The following MYO18B variants were observed in gnomAD, a reference collection of about 807,000 sequenced individuals.
MYO18B encodes unconventional myosin-XVIIIb.
MYO18B carries 204 observed loss-of-function variants against 273.0 expected under a neutral mutation model. The ratio of observed to expected loss-of-function variants is 0.75; its 90% CI spans 0.67 to 0.84. The LOEUF (loss-of-function observed/expected upper bound fraction) is 0.84. Among genes scored for constraint, MYO18B ranks in the 40% least tolerant of loss-of-function variants. The pLI, the probability that MYO18B is intolerant of heterozygous loss-of-function variation, is 0.00. For synonymous variants in MYO18B, 1,330 were observed against 1,305.7 expected, an observed-to-expected ratio of 1.02 and a Z score of -0.40; for missense variants, 3,212 against 3,287.6, an observed-to-expected ratio of 0.98 and a Z score of 0.56.
At chr22:25,859,863 A>AT (rs2090679991) in intron 21 of MYO18B, among the ~76,000 whole-genome samples, 1 of 152,104 alleles carries the variant, frequency 6.6e-6, no homozygotes, top group Non-Finnish European at 1.5e-5. Flanking sequence ...CAGTTTACTA[A>AT]TTTTTTAAGT....
intron 9 of MYO18B, among the ~76,000 whole-genome samples, 197 bp from the exon 10 acceptor site, chr22:25,781,537 G>A (rs2087151853): frequency 6.6e-6 from 1 of 151,848 alleles, no homozygotes; most frequent in Admixed American, 6.6e-5. Flanking sequence ...GTGAAGCTGG[G>A]AGGCGGAGCT....
intron 22 of MYO18B, among the ~76,000 whole-genome samples, chr22:25,872,326 C>A (rs1033218165): frequency 1.3e-5 from 2 of 152,194 alleles, no homozygotes; most frequent in African/African-American, 4.8e-5. Flanking sequence ...CCTCGCACTT[C>A]AAGTGCTTGT....
intron 32 of MYO18B, 100 bp from the exon 33 acceptor site, chr22:25,910,845 CA>C: frequency 1.1e-6 from 1 of 921,752 alleles, no homozygotes; most frequent in Non-Finnish European, 1.7e-6. Flanking sequence ...AACAAAGCCA[CA>C]AGCTCTACAT....
chr22:25,757,073 T>C (rs565525012), intron 1 of MYO18B, among the ~76,000 whole-genome samples: 69 of 151,582 alleles, frequency 4.6e-4, no homozygotes, highest in African/African-American at 1.6e-3. Context: ...GAAAAGAAAA[T>C]ATATAATATT....
intron 3 of MYO18B, among the ~76,000 whole-genome samples, chr22:25,767,459 A>G (rs1373915961): frequency 6.6e-6 from 1 of 152,226 alleles, no homozygotes; most frequent in Non-Finnish European, 1.5e-5. Flanking sequence ...GTGCATTTCT[A>G]CATCTCATCC....
At chr22:25,929,994 G>T (rs2092475011) in intron 34 of MYO18B, among the ~76,000 whole-genome samples, 1 of 152,008 alleles carries the variant, frequency 6.6e-6, no homozygotes. Flanking sequence ...TGCATATTTT[G>T]GCACCTACCC....
intron 11 of MYO18B, among the ~76,000 whole-genome samples, 186 bp from the exon 12 acceptor site, chr22:25,797,767 A>T (rs914468975): frequency 5.3e-5 from 8 of 152,202 alleles, no homozygotes; most frequent in Non-Finnish European, 8.8e-5. Flanking sequence ...GAGAAAAATG[A>T]TTTGGATAAC....
At chr22:25,933,060 T>A (rs185510681) in intron 34 of MYO18B, among the ~76,000 whole-genome samples, 103 of 152,306 alleles carry the variant, frequency 6.8e-4, no homozygotes, top group African/African-American at 2.4e-3. Flanking sequence ...ATTTTCATGG[T>A]GTCATAGTTC....
intron 11 of MYO18B, among the ~76,000 whole-genome samples, chr22:25,792,284 G>A (rs890945661): frequency 2.0e-5 from 3 of 152,096 alleles, no homozygotes; most frequent in Non-Finnish European, 4.4e-5. Context: ...AAAGCACCCA[G>A]TACAACAGAA....
chr22:25,952,205 C>T, intron 37 of MYO18B, 81 bp from the exon 38 acceptor site: 1 of 1,514,258 alleles, frequency 6.6e-7, no homozygotes, highest in East Asian at 2.4e-5. Context: ...TCCTCCCACC[C>T]TCCCAGGCTG....
intron 12 of MYO18B, among the ~76,000 whole-genome samples, chr22:25,811,801 G>A (rs2088774722): frequency 6.6e-6 from 1 of 152,200 alleles, no homozygotes; most frequent in African/African-American, 2.4e-5. Flanking sequence ...ATAAATAACA[G>A]CACACTGAAC....
At chr22:25,924,780 A>G (rs2092396985) in intron 34 of MYO18B, among the ~76,000 whole-genome samples, 1 of 152,178 alleles carries the variant, frequency 6.6e-6, no homozygotes, top group Admixed American at 6.5e-5. Flanking sequence ...ATGAGGGAAT[A>G]TCCTTAGAAG....
chr22:25,835,347 G>A lies in MYO18B; in HGVS notation c.3112G>A (p.Val1038Ile), dbSNP rs753757421. Residue 1038 changes from valine to isoleucine, a missense_variant, in exon 17 of 44, where the codon GTC (valine) becomes ATC (isoleucine). Coordinates refer to ENST00000335473, the MANE Select transcript of MYO18B (RefSeq NM_032608.7). ...GAQDARGLFW[V>I]LDEEVHVEGS... ...CCAGGATGCCAGAGGCCTTTTCTGG[G>A]TCTTAGATGAGGAAGTCCATGTAGA... The A allele has an allele frequency of 4.4e-5, 71 of 1,613,876 alleles. No homozygotes were observed. Among genetic ancestry groups the A allele is most frequent in the Non-Finnish European group, 5.7e-5 (67 of 1,179,898 alleles).
intron 34 of MYO18B, among the ~76,000 whole-genome samples, chr22:25,937,335 C>T (rs547253260): frequency 3.9e-5 from 6 of 152,154 alleles, no homozygotes; most frequent in African/African-American, 1.2e-4. Context: ...TCGTTTGCCT[C>T]GGCCTCCCAA....
chr22:25,872,028 C>T (rs2091061459), intron 22 of MYO18B, among the ~76,000 whole-genome samples: 1 of 151,816 alleles, frequency 6.6e-6, no homozygotes, highest in African/African-American at 2.4e-5. Context: ...GAAATTAATA[C>T]AGTCATTATT....
At position 25,780,164 on chromosome 22, in the gene MYO18B, A is replaced by G. The variant is rs115286214; in HGVS notation, c.2177A>G (p.Asn726Ser). ...RFSMVMSLDFNATGRITAAQL... is the reference protein window; with the variant it reads ...RFSMVMSLDFSATGRITAAQL... ...TCCATGGTGATGTCGCTGGACTTCA[A>G]CGCTACAGGCCGCATCACAGCTGCT... The change falls in exon 9 of 44, where the codon AAC (asparagine) becomes AGC (serine). Residue 726 changes from asparagine (N) to serine (S), a missense_variant. Physicochemically the swap from Asn to Ser is conservative, Grantham distance 46. Coordinates refer to ENST00000335473, the MANE Select transcript of MYO18B (RefSeq NM_032608.7). 47 of 1,606,842 alleles carry G rather than the reference A, an allele frequency of 2.9e-5. No individual in the cohort carries two copies. The African/African-American group carries it at 3.3e-4, about 11-fold the overall frequency.
intron 43 of MYO18B, among the ~76,000 whole-genome samples, chr22:26,028,887 C>CAAAAAAA (rs554144546): frequency 1.9e-4 from 14 of 75,646 alleles, no homozygotes; most frequent in Non-Finnish European, 2.3e-4. Context: ...GACTCCGTCT[C>CAAAAAAA]AAAAAAAAAA....
At chr22:25,803,967 A>AACACACACCC (rs1555896965) in intron 12 of MYO18B, among the ~76,000 whole-genome samples, 2 of 136,882 alleles carry the variant, frequency 1.5e-5, no homozygotes, top group African/African-American at 5.5e-5. Context: ...TGACCCAGTG[A>AACACACACCC]ACACACACAC....
At chr22:25,906,034 A>T (rs1173303729) in intron 31 of MYO18B, among the ~76,000 whole-genome samples, 1 of 152,204 alleles carries the variant, frequency 6.6e-6, no homozygotes, top group Non-Finnish European at 1.5e-5. Flanking sequence ...CCATGGCCTC[A>T]GGGACCCAAA....
Sources: allele counts gnomAD v4.1 joint callset (sites outside exome capture counted in the v4.1 genomes callset), GRCh38; gene constraint gnomAD v4.1.1; transcripts MANE v1.5; gene names NCBI Gene and HGNC (gene_info 2026-07-23, HGNC 2026-07-21).